FDX1: variants seen among roughly 807,000 people sequenced by gnomAD.
FDX1 encodes adrenodoxin, mitochondrial.
In FDX1, 9 loss-of-function variants were observed where a neutral mutation model predicts 14.9. The ratio of observed to expected loss-of-function variants is 0.60; its 90% CI spans 0.36 to 1.05. The LOEUF (loss-of-function observed/expected upper bound fraction) is 1.05. Ranked by LOEUF, FDX1 falls within the 50% of genes least tolerant of loss-of-function variation. The pLI is 0.01. For missense variants in FDX1, 204 were observed against 237.2 expected (o/e 0.86, Z 0.92); for synonymous variants, 92 against 99.4 (o/e 0.93, Z 0.44).
intron 2 of FDX1, among the ~76,000 whole-genome samples, chr11:110,446,235 G>T (rs1480657719): frequency 6.6e-6 from 1 of 152,164 alleles, no homozygotes; most frequent in Admixed American, 6.5e-5. Context: ...ATAAAGAAGA[G>T]CTTATTACCA....
chr11:110,434,113 G>T (rs1946350272), intron 1 of FDX1, among the ~76,000 whole-genome samples: 1 of 152,044 alleles, frequency 6.6e-6, no homozygotes, highest in Non-Finnish European at 1.5e-5. Context: ...AGAAGTGAAG[G>T]AAATTTAAGT....
chr11:110,460,620 CCA>C (rs1292313407), intron 3 of FDX1, among the ~76,000 whole-genome samples: 1 of 152,194 alleles, frequency 6.6e-6, no homozygotes, highest in Non-Finnish European at 1.5e-5. Context: ...GTGGCATTTG[CCA>C]CAGTCTCACA....
intron 3 of FDX1, among the ~76,000 whole-genome samples, chr11:110,458,070 A>G (rs1315029408): frequency 6.6e-6 from 1 of 152,166 alleles, no homozygotes; most frequent in Non-Finnish European, 1.5e-5. Context: ...CTTAACACAG[A>G]AACTAAATCC....
At chr11:110,439,368 C>T (rs541176542) in intron 2 of FDX1, among the ~76,000 whole-genome samples, 11 of 151,940 alleles carry the variant, frequency 7.2e-5, no homozygotes, top group East Asian at 5.8e-4. Flanking sequence ...CTACCATGCC[C>T]GGCTAATTTT....
chr11:110,432,160 A>G (rs1946336024), intron 1 of FDX1, among the ~76,000 whole-genome samples: 1 of 152,196 alleles, frequency 6.6e-6, no homozygotes, highest in Non-Finnish European at 1.5e-5. Context: ...TTTGAAGTTT[A>G]ACAACTCGAT....
intron 2 of FDX1, among the ~76,000 whole-genome samples, chr11:110,454,527 T>TA (rs1267840626): frequency 6.6e-6 from 1 of 152,230 alleles, no homozygotes; most frequent in Non-Finnish European, 1.5e-5. Flanking sequence ...GTCAAAGTCA[T>TA]AACTCATCTC....
At chr11:110,448,666 A>G (rs1366196770) in intron 2 of FDX1, among the ~76,000 whole-genome samples, 7 of 152,242 alleles carry the variant, frequency 4.6e-5, no homozygotes, top group Non-Finnish European at 1.5e-5. Context: ...TAAAAAAACA[A>G]AACTTGGTTC....
Position 110,464,701 on chromosome 11 carries a change from C to G in FDX1, c.*2233C>G, listed in dbSNP as rs2134697793. ...TCTTAATTAGCTTCATTATTCTTGT[C>G]TTTGTGTGTGGATTACCTAAACTCT... On this transcript the variant is annotated 3_prime_UTR_variant, in exon 4 of 4. Transcript: ENST00000260270. The G allele has an allele frequency of 6.6e-6, 1 of 152,206 alleles. No homozygotes were observed. Among genetic ancestry groups the G allele is most frequent in the African/African-American group, 2.4e-5 (1 of 41,518 alleles). 9.4% of individuals were successfully genotyped at this position (152,206 alleles called of 1,614,324 possible). A position where few individuals can be genotyped will look rare whatever the true frequency, so the allele number is the denominator to read the frequency against.
At chr11:110,439,611 A>G (rs995647038) in intron 2 of FDX1, among the ~76,000 whole-genome samples, 3 of 152,238 alleles carry the variant, frequency 2.0e-5, no homozygotes, top group Middle Eastern at 3.4e-3. Flanking sequence ...TAGATTGTGA[A>G]TATTTTTTCT....
chr11:110,434,085 T>C (rs953529153), intron 1 of FDX1, among the ~76,000 whole-genome samples: 2 of 152,122 alleles, frequency 1.3e-5, no homozygotes, highest in African/African-American at 4.8e-5. Flanking sequence ...CTTCTCAAAT[T>C]TTGGAGGGAT....
Position 110,444,697 on chromosome 11 carries a change from T to C in FDX1, c.310+8739T>C, listed in dbSNP as rs28731480. ...ATATATATATATACACGTATATATA[T>C]ATATATACGTATATATATATATATA... On this transcript the variant is annotated intron_variant, in intron 2 of 3. Transcript: ENST00000260270. 5.7e-5 allele frequency among the ~76,000 whole-genome samples: 4 copies of C among 69,816 alleles called. 1 individual carries two copies. In the South Asian group the frequency reaches 1.5e-3, roughly 27 times the overall value. The allele number at this position is 69,816 out of a possible 152,430, so 45.8% of individuals were successfully genotyped here. A position where few individuals can be genotyped will look rare whatever the true frequency, so the allele number is the denominator to read the frequency against.
chr11:110,444,716 A>ATT, intron 2 of FDX1, among the ~76,000 whole-genome samples: 1 of 78,390 alleles, frequency 1.3e-5, no homozygotes, highest in African/African-American at 6.5e-5. Context: ...GTATATATAT[A>ATT]TATATACGTA....
At chr11:110,441,330 T>C (rs1009392112) in intron 2 of FDX1, among the ~76,000 whole-genome samples, 3 of 152,134 alleles carry the variant, frequency 2.0e-5, no homozygotes, top group Non-Finnish European at 4.4e-5. Flanking sequence ...AGGCAGACAT[T>C]GGAACAGTTT....
At chr11:110,446,886 C>G (rs1310158913) in intron 2 of FDX1, among the ~76,000 whole-genome samples, 3 of 152,190 alleles carry the variant, frequency 2.0e-5, no homozygotes, top group African/African-American at 7.2e-5. Flanking sequence ...TGATTAAAAG[C>G]CATGAGTGGG....
At chr11:110,454,815 A>G (rs570619306) in intron 2 of FDX1, among the ~76,000 whole-genome samples, 1 of 152,310 alleles carries the variant, frequency 6.6e-6, no homozygotes, top group South Asian at 2.1e-4. Flanking sequence ...CATGGAAGGT[A>G]AAGTAGCCCA....
Position 110,462,731 on chromosome 11 carries a change from G to T in FDX1, c.*263G>T, listed in dbSNP as rs958745813. ...CCTTACATATTTTTTTCTTATGTTTGTTTAGCGACTTTAGCAAAATGTTTT... is the reference window on the plus strand; with the variant it reads ...CCTTACATATTTTTTTCTTATGTTTTTTTAGCGACTTTAGCAAAATGTTTT... On this transcript the variant is annotated 3_prime_UTR_variant, in exon 4 of 4. Coordinates refer to ENST00000260270, the MANE Select transcript of FDX1 (RefSeq NM_004109.5). 3.9e-6 allele frequency: 1 copy of T among 255,156 alleles called. No individual in the cohort carries two copies. Among genetic ancestry groups the T allele is most frequent in the Non-Finnish European group, 7.6e-6 (1 of 131,594 alleles). The allele number at this position is 255,156 out of a possible 1,614,324, so 15.8% of individuals were successfully genotyped here.
At chr11:110,450,226 C>T (rs1031538387) in intron 2 of FDX1, among the ~76,000 whole-genome samples, 1 of 151,980 alleles carries the variant, frequency 6.6e-6, no homozygotes, top group Non-Finnish European at 1.5e-5. Context: ...TTATACAACT[C>T]ATCATAAGGT....
intron 2 of FDX1, among the ~76,000 whole-genome samples, chr11:110,444,712 A>G (rs1946434999): frequency 5.1e-5 from 4 of 78,052 alleles, no homozygotes; most frequent in African/African-American, 2.3e-4. Flanking sequence ...ATACGTATAT[A>G]TATATATATA....
At chr11:110,457,746 A>G (rs970994817) in intron 3 of FDX1, among the ~76,000 whole-genome samples, 2 of 111,440 alleles carry the variant, frequency 1.8e-5, no homozygotes, top group South Asian at 2.8e-4. Context: ...TTTAAAAATT[A>G]AAGATAGTAA....
Sources: allele counts gnomAD v4.1 joint callset (sites outside exome capture counted in the v4.1 genomes callset), GRCh38; gene constraint gnomAD v4.1.1; transcripts MANE v1.5; gene names NCBI Gene and HGNC (gene_info 2026-07-23, HGNC 2026-07-21).